Variants in ANK2 observed in about 807,000 individuals in gnomAD.
ANK2 encodes ankyrin-2.
In ANK2, 83 loss-of-function variants were observed where a neutral mutation model predicts 360.5. The observed-to-expected ratio is 0.23, with a 90% CI of 0.19 to 0.28. The LOEUF (loss-of-function observed/expected upper bound fraction) is 0.28. Among genes scored for constraint, ANK2 ranks in the 10% least tolerant of loss-of-function variants. The pLI, the probability that ANK2 is intolerant of heterozygous loss-of-function variation, is 1.00. For synonymous variants in ANK2, 1,740 were observed against 1,759.5 expected (o/e 0.99, Z 0.28); for missense variants, 4,201 against 4,795.7 (o/e 0.88, Z 3.66).
At chr4:112,888,428 TA>T (rs1379221590) in intron 1 of ANK2, among the ~76,000 whole-genome samples, 2 of 152,166 alleles carry the variant, frequency 1.3e-5, no homozygotes, top group African/African-American at 4.8e-5. Flanking sequence ...ATGAGGAAGA[TA>T]TTTTTTGTAT....
chr4:113,261,118 A>C (rs2052639187), intron 13 of ANK2, among the ~76,000 whole-genome samples: 1 of 152,156 alleles, frequency 6.6e-6, no homozygotes, highest in Non-Finnish European at 1.5e-5. Context: ...TTCTCTTGCT[A>C]GTTTTGTTTT....
At chr4:113,179,515 C>T (rs62313180) in intron 2 of ANK2, among the ~76,000 whole-genome samples, 1,917 of 152,248 alleles carry the variant, frequency 0.013, 24 homozygotes, top group Non-Finnish European at 0.021. Flanking sequence ...AAATTTGGCA[C>T]ATGAAAATAC....
intron 23 of ANK2, among the ~76,000 whole-genome samples, chr4:113,305,936 G>A (rs893614546): frequency 6.6e-6 from 1 of 152,158 alleles, no homozygotes; most frequent in East Asian, 1.9e-4. Context: ...GGTTCTTCAA[G>A]ATAAAATCAT....
chr4:113,251,665 G>A (rs916867048), intron 10 of ANK2, among the ~76,000 whole-genome samples: 5 of 151,326 alleles, frequency 3.3e-5, no homozygotes, highest in Non-Finnish European at 7.4e-5. Context: ...TGTATTTTTA[G>A]GAGAGACGGG....
intron 1 of ANK2, among the ~76,000 whole-genome samples, chr4:112,895,404 G>C (rs187094227): frequency 2.6e-4 from 39 of 152,264 alleles, no homozygotes; most frequent in African/African-American, 9.4e-4. Context: ...TAATCATTCA[G>C]AGCAGGATTT....
chr4:112,946,320 T>C (rs529895633), intron 2 of ANK2, among the ~76,000 whole-genome samples: 2 of 152,130 alleles, frequency 1.3e-5, no homozygotes, highest in African/African-American at 2.4e-5. Context: ...GCTGGAGCAC[T>C]GGGGAGTGAG....
In ANK2 at chr4:113,381,618, A is replaced by G. The variant is rs572770924; in HGVS notation, c.*147A>G. ...CTCCTTCGGCATTTCTGCAAGGAGG[A>G]CTTGAAGCAAGAGGCCAAGTGAGGG... is the stretch of plus-strand genomic sequence containing the variant. On this transcript the variant is annotated 3_prime_UTR_variant, in exon 46 of 46. Transcript: ENST00000357077. 1.3e-6 allele frequency: 2 copies of G among 1,559,996 alleles called. No homozygotes were observed. The highest frequency in any genetic ancestry group is 2.4e-5 in the East Asian group (1 of 41,800).
intron 33 of ANK2, 116 bp from the exon 34 acceptor site, chr4:113,342,901 A>T (rs2094452444): frequency 1.5e-6 from 2 of 1,304,728 alleles, no homozygotes; most frequent in Admixed American, 1.7e-5. Flanking sequence ...CAATTTAAAG[A>T]TGGTTGTATG....
chr4:112,801,601 C>T, the ANK2 span, among the ~76,000 whole-genome samples: 1 of 152,086 alleles, frequency 6.6e-6, no homozygotes, highest in Admixed American at 6.6e-5. Context: ...TAAGTTAAAA[C>T]CTGTGAATTG....
At chr4:112,932,362 C>T (rs569026225) in intron 2 of ANK2, among the ~76,000 whole-genome samples, 10 of 152,048 alleles carry the variant, frequency 6.6e-5, no homozygotes, top group African/African-American at 1.2e-4. Context: ...TGTGGTGGCG[C>T]GTGCCTGTAA....
intron 4 of ANK2, among the ~76,000 whole-genome samples, chr4:113,208,947 C>T (rs2098987832): frequency 1.3e-5 from 2 of 151,856 alleles, no homozygotes; most frequent in Non-Finnish European, 2.9e-5. Flanking sequence ...ATGAGACTGC[C>T]GGAGCAGTAA....
the ANK2 span, among the ~76,000 whole-genome samples, chr4:112,801,863 T>C: frequency 6.6e-6 from 1 of 152,126 alleles, no homozygotes; most frequent in Non-Finnish European, 1.5e-5. Flanking sequence ...AAGAAAGGTG[T>C]ATCATAATGA....
intron 2 of ANK2, among the ~76,000 whole-genome samples, chr4:112,918,715 A>G (rs1015930858): frequency 6.6e-5 from 10 of 152,194 alleles, no homozygotes; most frequent in African/African-American, 2.4e-4. Flanking sequence ...AACAGAATGA[A>G]TAGTTTTGGA....
chr4:113,014,677 A>G (rs1004860409), intron 2 of ANK2, among the ~76,000 whole-genome samples: 13 of 152,080 alleles, frequency 8.5e-5, no homozygotes, highest in Admixed American at 7.2e-4. Context: ...CTAGGGGTGC[A>G]CTATCTTTCT....
chr4:113,251,755 T>C (rs2046560642), intron 10 of ANK2, among the ~76,000 whole-genome samples: 1 of 151,932 alleles, frequency 6.6e-6, no homozygotes, highest in Non-Finnish European at 1.5e-5. Context: ...GTGCTGGGAT[T>C]ACAAGCATGA....
intron 1 of ANK2, among the ~76,000 whole-genome samples, chr4:113,136,357 G>T (rs557227967): frequency 6.6e-6 from 1 of 152,228 alleles, no homozygotes; most frequent in Non-Finnish European, 1.5e-5. Flanking sequence ...ATTAATAAAA[G>T]TCCAGAGGAA....
intron 1 of ANK2, among the ~76,000 whole-genome samples, chr4:112,848,253 G>A (rs2063791559): frequency 1.3e-5 from 2 of 152,116 alleles, no homozygotes; most frequent in Non-Finnish European, 2.9e-5. Context: ...TCCACCTCCT[G>A]GGTTCAAGCG....
chr4:112,959,282 T>G (rs1308697234), intron 2 of ANK2, among the ~76,000 whole-genome samples: 1 of 152,138 alleles, frequency 6.6e-6, no homozygotes, highest in Non-Finnish European at 1.5e-5. Flanking sequence ...AAAAAAAGAT[T>G]GAAAATGCAG....
At chr4:112,858,881 G>A (rs1436983560) in intron 1 of ANK2, among the ~76,000 whole-genome samples, 3 of 152,222 alleles carry the variant, frequency 2.0e-5, no homozygotes, top group South Asian at 4.1e-4. Context: ...ATTGGTTAAT[G>A]TCCTGGGGAC....
Sources: allele counts gnomAD v4.1 joint callset (sites outside exome capture counted in the v4.1 genomes callset), GRCh38; gene constraint gnomAD v4.1.1; transcripts MANE v1.5; gene names NCBI Gene and HGNC (gene_info 2026-07-23, HGNC 2026-07-21).